Variants in OSGIN1 observed in about 807,000 individuals in gnomAD.
The protein encoded by OSGIN1 is oxidative stress-induced growth inhibitor 1.
OSGIN1 carries 19 observed loss-of-function variants against 20.1 expected under a neutral mutation model. The observed-to-expected ratio is 0.95, with a 90% CI of 0.66 to 1.39. OSGIN1 has a LOEUF of 1.39. Ranked by LOEUF, OSGIN1 falls within the 40% of genes most tolerant of loss-of-function variation. The pLI is 0.00. For missense variants in OSGIN1, 820 were observed against 653.0 expected (o/e 1.26, Z -2.79); for synonymous variants, 368 against 297.8 (o/e 1.24, Z -2.43).
intron 4 of OSGIN1, 87 bp downstream of exon 4, chr16:83,960,847 C>T: frequency 6.7e-7 from 1 of 1,501,008 alleles, no homozygotes; most frequent in Non-Finnish European, 9.1e-7. Context: ...ATCTCCCTTT[C>T]CTCATTCTCC....
rs1256829676 is a variant in OSGIN1 at position 83,965,609 on chromosome 16, G to C, written c.1036G>C (p.Glu346Gln). 1.9e-6 allele frequency: 3 copies of C among 1,612,988 alleles called. No homozygotes were observed. The highest frequency in any genetic ancestry group is 1.1e-5 in the South Asian group (1 of 91,090). ...EYHKVHQMMR[E>Q]QSILSPSPYE... Reference sequence around the variant, plus strand: ...CCACAAGGTGCACCAGATGATGCGGGAGCAGTCCATCCTGTCGCCCAGCCC... The same window carrying C: ...CCACAAGGTGCACCAGATGATGCGGCAGCAGTCCATCCTGTCGCCCAGCCC... Residue 346 changes from glutamate to glutamine, a missense_variant, in exon 6 of 6, where the codon GAG becomes CAG. Coordinates refer to ENST00000393306, the MANE Select transcript of OSGIN1 (RefSeq NM_182981.3).
intron 1 of OSGIN1, chr16:83,954,754 G>A (rs770587228): frequency 1.0e-6 from 1 of 984,946 alleles, no homozygotes; most frequent in Non-Finnish European, 1.2e-6. Context: ...CAAAGCCCTG[G>A]TGGTAAACCA....
rs150480226 is a variant in OSGIN1 at position 83,965,096 on chromosome 16, A to G, written c.523A>G (p.Ile175Val). 43 of 1,601,042 alleles carry G rather than the reference A, an allele frequency of 2.7e-5. No homozygotes were observed. The African/African-American group carries it at 5.4e-4, about 20-fold the overall frequency. The part of the protein sequence containing the change: ...LRNSRATAGD[I>V]AHYYRDYVVK... ...CAACAGCCGGGCCACTGCCGGGGAC[A>G]TCGCCCACTACTACAGGGACTACGT... The change falls in exon 6 of 6, where the codon ATC becomes GTC. Residue 175 changes from isoleucine (I) to valine (V), a missense_variant. Transcript: ENST00000393306.
At chr16:83,960,428 C>G (rs1056843720) in intron 3 of OSGIN1, 141 bp from the exon 4 acceptor site, 3 of 652,038 alleles carry the variant, frequency 4.6e-6, no homozygotes, top group East Asian at 2.7e-5. Flanking sequence ...CAAACTACCC[C>G]CAGGGTGCGC....
At position 83,957,607 on chromosome 16, in the gene OSGIN1, A is replaced by C. The variant is rs771463431; in HGVS notation, c.-32-33A>C. The C allele has an allele frequency of 9.0e-6, 10 of 1,116,590 alleles. No homozygotes were observed. In the East Asian group the frequency reaches 2.6e-4, roughly 29 times the overall value. The allele number at this position is 1,116,590 out of a possible 1,614,324, so 69.2% of individuals were successfully genotyped here. A position where few individuals can be genotyped will look rare whatever the true frequency, so the allele number is the denominator to read the frequency against. On this transcript the variant is annotated intron_variant, in intron 1 of 5. Coordinates refer to ENST00000393306, the MANE Select transcript of OSGIN1 (RefSeq NM_182981.3). ...GTGTGGACACCCAGGCCTCACCCGA[A>C]TGGACTCTTCCTTCCCCTCTCCCCC...
chr16:83,961,637 AG>A (rs900571353), intron 5 of OSGIN1, among the ~76,000 whole-genome samples: 2 of 152,030 alleles, frequency 1.3e-5, no homozygotes, highest in Non-Finnish European at 2.9e-5. Context: ...CTTCTTCCAG[AG>A]GGGGAAACTG....
rs140428930 is a variant in OSGIN1, at chr16:83,955,027, T to A, written c.-33+1657T>A. 9.7e-3 allele frequency among the ~76,000 whole-genome samples: 1,472 copies of A among 152,248 alleles called. 14 individuals are homozygous for A. The highest frequency in any genetic ancestry group is 0.056 in the South Asian group (271 of 4,822). ...TCCATCGCCCACCGGCTCTGTAGCCTCAGGGCACGGCTTCACCTCTCCTAG... is the reference window on the plus strand; with the variant it reads ...TCCATCGCCCACCGGCTCTGTAGCCACAGGGCACGGCTTCACCTCTCCTAG... On this transcript the variant is annotated intron_variant, in intron 1 of 5. Coordinates refer to ENST00000393306, the MANE Select transcript of OSGIN1 (RefSeq NM_182981.3).
At chr16:83,964,032 G>A (rs1453465259) in intron 5 of OSGIN1, among the ~76,000 whole-genome samples, 3 of 150,482 alleles carry the variant, frequency 2.0e-5, no homozygotes, top group Admixed American at 6.6e-5. Flanking sequence ...GGCTGGGTGC[G>A]GTGGCGCAAG....
At chr16:83,960,136 T>C (rs1319075881) in intron 3 of OSGIN1, among the ~76,000 whole-genome samples, 1 of 152,194 alleles carries the variant, frequency 6.6e-6, no homozygotes, top group Non-Finnish European at 1.5e-5. Flanking sequence ...TTCCTCAGTA[T>C]AATATAGAGA....
intron 5 of OSGIN1, among the ~76,000 whole-genome samples, chr16:83,964,038 G>A (rs905241211): frequency 3.3e-5 from 5 of 150,540 alleles, no homozygotes; most frequent in African/African-American, 9.7e-5. Context: ...GTGCGGTGGC[G>A]CAAGCCTGTA....
intron 1 of OSGIN1, chr16:83,954,667 T>G (rs1192313115): frequency 2.8e-6 from 2 of 705,578 alleles, no homozygotes; most frequent in Non-Finnish European, 3.5e-6. Context: ...GGTGGTGACC[T>G]CATGTATGTG....
intron 3 of OSGIN1, among the ~76,000 whole-genome samples, chr16:83,960,350 C>G (rs1247963160): frequency 6.6e-6 from 1 of 152,216 alleles, no homozygotes; most frequent in Non-Finnish European, 1.5e-5. Context: ...CAGTCTCACC[C>G]AAGCTTGCGC....
chr16:83,957,968 C>A (rs936438988), intron 2 of OSGIN1, among the ~76,000 whole-genome samples: 6 of 152,170 alleles, frequency 3.9e-5, no homozygotes, highest in Admixed American at 3.3e-4. Context: ...CCTCTCCCTC[C>A]CGGGCTCAAG....
intron 1 of OSGIN1, 142 bp downstream of exon 1, chr16:83,953,512 G>A: frequency 1.7e-6 from 1 of 594,190 alleles, no homozygotes; most frequent in Non-Finnish European, 2.5e-6. Context: ...GCCCTCGCCT[G>A]GGTTCTCTGG....
intron 5 of OSGIN1, among the ~76,000 whole-genome samples, chr16:83,961,589 G>A (rs1208790155): frequency 6.6e-6 from 1 of 152,280 alleles, no homozygotes; most frequent in East Asian, 1.9e-4. Context: ...GTGAGCCAGA[G>A]GTACAGGGGC....
chr16:83,965,789 C>G lies in OSGIN1; in HGVS notation c.1216C>G (p.Pro406Ala). 1 of 1,613,092 alleles carries G rather than the reference C, an allele frequency of 6.2e-7. No individual in the cohort carries two copies. The highest frequency in any genetic ancestry group is 1.3e-5 in the African/African-American group (1 of 75,056). The change falls in exon 6 of 6, where the codon CCT (proline) becomes GCT (alanine). Residue 406 changes from proline (P) to alanine (A), a missense_variant. By Grantham distance (27) the Pro-to-Ala change is conservative (BLOSUM62 -1). Transcript: ENST00000393306. ...CTCCCACCCCGACCTCTCCTTCCTG[C>G]CTGGGGCAGGGGCTGACTTTGCAGT... is the stretch of plus-strand genomic sequence containing the variant. Reference protein sequence around the residue: ...IGSHPDLSFLPGAGADFAVDP... With the variant: ...IGSHPDLSFLAGAGADFAVDP...
chr16:83,959,518 G>T (rs1597179352), intron 3 of OSGIN1, 122 bp downstream of exon 3: 2 of 996,954 alleles, frequency 2.0e-6, no homozygotes, highest in African/African-American at 3.3e-5. Context: ...CAAAGAATTC[G>T]AGAGTCCACA....
chr16:83,958,004 G>T (rs2741874), intron 2 of OSGIN1, among the ~76,000 whole-genome samples: 10,484 of 152,186 alleles, frequency 0.069, 412 homozygotes, highest in South Asian at 0.13. Flanking sequence ...AGCCTACCAA[G>T]TAGCTGGGAT....
At chr16:83,957,307 C>T (rs1488390695) in intron 1 of OSGIN1, among the ~76,000 whole-genome samples, 1 of 152,042 alleles carries the variant, frequency 6.6e-6, no homozygotes, top group Admixed American at 6.6e-5. Context: ...AATGGCCTCT[C>T]GGGAAGACAG....
Sources: gnomAD v4.1 joint callset for allele counts (sites outside exome capture counted in the v4.1 genomes callset) on GRCh38, gnomAD v4.1.1 for gene constraint, MANE v1.5 for transcripts, NCBI Gene and HGNC (gene_info 2026-07-23, HGNC 2026-07-21) for gene names.